Variants in DCLK1 observed in about 807,000 individuals in gnomAD.
The protein encoded by DCLK1 is doublecortin like kinase 1.
In DCLK1, 16 loss-of-function variants were observed where a neutral mutation model predicts 86.2. The observed-to-expected ratio is 0.19, with a 90% confidence interval of 0.13 to 0.28. DCLK1 has a LOEUF of 0.28. Among genes scored for constraint, DCLK1 ranks in the 10% least tolerant of loss-of-function variants. The pLI, the probability that DCLK1 is intolerant of heterozygous loss-of-function variation, is 1.00. For synonymous variants in DCLK1, 369 were observed against 370.5 expected (o/e 1.00, Z 0.05); for missense variants, 590 against 940.2 (o/e 0.63, Z 4.87).
At chr13:35,914,375 A>ATATG (rs1566600376) in intron 4 of DCLK1, among the ~76,000 whole-genome samples, 26 of 84,804 alleles carry the variant, frequency 3.1e-4, no homozygotes, top group East Asian at 4.7e-4. Flanking sequence ...ATATGTATAT[A>ATATG]TATATATATA....
intron 5 of DCLK1, among the ~76,000 whole-genome samples, chr13:35,868,395 T>C (rs916485889): frequency 1.3e-5 from 2 of 152,182 alleles, no homozygotes; most frequent in African/African-American, 4.8e-5. Context: ...TGCATATTGA[T>C]TTTCTTGGAA....
In DCLK1 at chr13:36,126,219, T is replaced by G. The variant is rs55712539; in HGVS notation, c.-19-63A>C. The G allele has an allele frequency of 1.6e-4, 198 of 1,237,902 alleles. 3 individuals carry two copies. The highest frequency in any genetic ancestry group is 4.2e-4 in the Admixed American group (14 of 33,106). The allele number at this position is 1,237,902 out of a possible 1,614,324, so 76.7% of individuals were successfully genotyped here. A position where few individuals can be genotyped will look rare whatever the true frequency, so the allele number is the denominator to read the frequency against. On this transcript the variant is annotated intron_variant, in intron 1 of 16. Transcript: ENST00000360631. ...ATGTAGGTTATATATATATATATAT[T>G]TTTTTGTTTTTGTTTTTTTTATGTT...
At chr13:35,801,610 G>C (rs1362876748) in intron 15 of DCLK1, among the ~76,000 whole-genome samples, 1 of 152,120 alleles carries the variant, frequency 6.6e-6, no homozygotes, top group Non-Finnish European at 1.5e-5. Flanking sequence ...ATGGACAGCA[G>C]AAGTCTAAGG....
chr13:36,018,844 A>G (rs1299299998), intron 3 of DCLK1, among the ~76,000 whole-genome samples: 3 of 152,190 alleles, frequency 2.0e-5, no homozygotes, highest in African/African-American at 7.2e-5. Context: ...TGCACAGACA[A>G]TCTTCTGCAA....
intron 4 of DCLK1, among the ~76,000 whole-genome samples, chr13:35,882,496 A>G (rs563407918): frequency 2.0e-5 from 3 of 152,300 alleles, no homozygotes; most frequent in South Asian, 4.1e-4. Context: ...CAGGAAATCT[A>G]TTGTTGCTCC....
chr13:35,957,553 T>C (rs1878058258), intron 3 of DCLK1, among the ~76,000 whole-genome samples: 1 of 152,114 alleles, frequency 6.6e-6, no homozygotes, highest in Non-Finnish European at 1.5e-5. Context: ...GCAAGAAAAT[T>C]ATAAGTATCA....
chr13:35,823,095 A>G (rs1228036311), intron 10 of DCLK1, among the ~76,000 whole-genome samples: 1 of 152,086 alleles, frequency 6.6e-6, no homozygotes, highest in Non-Finnish European at 1.5e-5. Context: ...GAGCTCAAAG[A>G]AAGGGGCAGC....
intron 4 of DCLK1, among the ~76,000 whole-genome samples, chr13:35,942,624 C>T (rs796297758): frequency 5.9e-5 from 9 of 152,166 alleles, no homozygotes; most frequent in South Asian, 2.1e-4. Flanking sequence ...AGATCTCCTC[C>T]GGCACATTTG....
chr13:36,018,942 C>T (rs182561011), intron 3 of DCLK1, among the ~76,000 whole-genome samples: 18 of 152,234 alleles, frequency 1.2e-4, no homozygotes, highest in East Asian at 7.7e-4. Context: ...ATGCAGATAG[C>T]GCACATATCC....
chr13:35,900,484 C>T (rs7998776), intron 4 of DCLK1, among the ~76,000 whole-genome samples: 4 of 152,166 alleles, frequency 2.6e-5, no homozygotes, highest in Admixed American at 6.5e-5. Flanking sequence ...TCAAGTGATT[C>T]GCCAGCCTCA....
chr13:35,839,604 G>GT (rs1869645443), intron 6 of DCLK1, among the ~76,000 whole-genome samples: 1 of 152,012 alleles, frequency 6.6e-6, no homozygotes, highest in Non-Finnish European at 1.5e-5. Flanking sequence ...TCTTCAGTTT[G>GT]TTTTTATAAA....
intron 3 of DCLK1, among the ~76,000 whole-genome samples, chr13:36,023,905 T>TTC (rs1203344429): frequency 6.7e-6 from 1 of 148,158 alleles, no homozygotes; most frequent in Admixed American, 6.7e-5. Context: ...TTCTTTCTTT[T>TTC]TTTTTTTTTT....
intron 14 of DCLK1, among the ~76,000 whole-genome samples, chr13:35,805,990 A>G (rs1486889435): frequency 1.3e-5 from 2 of 152,234 alleles, no homozygotes; most frequent in Non-Finnish European, 2.9e-5. Context: ...CTTGTGGTTG[A>G]ATAAAAATTA....
intron 15 of DCLK1, among the ~76,000 whole-genome samples, chr13:35,794,968 C>T (rs1283417897): frequency 6.6e-6 from 1 of 152,128 alleles, no homozygotes; most frequent in African/African-American, 2.4e-5. Flanking sequence ...CTCTGTCCAC[C>T]AGAACCTTGC....
chr13:35,964,250 T>C (rs1878610889), intron 3 of DCLK1, among the ~76,000 whole-genome samples: 1 of 152,172 alleles, frequency 6.6e-6, no homozygotes, highest in South Asian at 2.1e-4. Flanking sequence ...ATTAAAGACA[T>C]TCAAAAGGAA....
intron 3 of DCLK1, among the ~76,000 whole-genome samples, chr13:35,971,475 A>T (rs1308106446): frequency 6.6e-6 from 1 of 152,150 alleles, no homozygotes; most frequent in Non-Finnish European, 1.5e-5. Flanking sequence ...TCAAAAGTCC[A>T]CAGTAGGCCA....
At chr13:36,058,115 A>G (rs578018940) in intron 3 of DCLK1, among the ~76,000 whole-genome samples, 58 of 152,182 alleles carry the variant, frequency 3.8e-4, no homozygotes, top group Non-Finnish European at 1.2e-4. Context: ...GCTGGTACTG[A>G]GAGACATAAT....
chr13:36,044,012 G>A (rs1340086783), intron 3 of DCLK1, among the ~76,000 whole-genome samples: 1 of 152,184 alleles, frequency 6.6e-6, no homozygotes, highest in Non-Finnish European at 1.5e-5. Context: ...TTGGAGAGGG[G>A]CCTAGTGGGC....
chr13:35,916,850 T>G (rs1294037485), intron 4 of DCLK1, among the ~76,000 whole-genome samples: 4 of 152,170 alleles, frequency 2.6e-5, no homozygotes, highest in African/African-American at 7.2e-5. Flanking sequence ...GGAGGCAGCA[T>G]GTGCAGGAAG....
Sources: gnomAD v4.1 joint callset for allele counts (sites outside exome capture counted in the v4.1 genomes callset) on GRCh38, gnomAD v4.1.1 for gene constraint, MANE v1.5 for transcripts, NCBI Gene and HGNC (gene_info 2026-07-23, HGNC 2026-07-21) for gene names.